RHOBTB3: variants seen among roughly 807,000 people sequenced by gnomAD.
RHOBTB3 encodes rho-related BTB domain-containing protein 3.
RHOBTB3 carries 47 observed loss-of-function variants against 67.2 expected under a neutral mutation model. That is an observed-to-expected ratio of 0.70 (90% confidence interval 0.55 to 0.89). RHOBTB3 has a LOEUF of 0.89. Among genes scored for constraint, RHOBTB3 ranks in the 40% least tolerant of loss-of-function variants. The pLI, the probability that RHOBTB3 is intolerant of heterozygous loss-of-function variation, is 0.00. For synonymous variants in RHOBTB3, 273 were observed against 274.2 expected, an observed-to-expected ratio of 1.00 and a Z score of 0.04; for missense variants, 631 against 750.0, an observed-to-expected ratio of 0.84 and a Z score of 1.85.
chr5:95,787,210 T>A (rs1253542935), intron 10 of RHOBTB3, among the ~76,000 whole-genome samples: 1 of 151,780 alleles, frequency 6.6e-6, no homozygotes, highest in Non-Finnish European at 1.5e-5. Flanking sequence ...TTTTGTTATC[T>A]GCTCTGGGTT....
chr5:95,740,715 T>G (rs962736989), intron 3 of RHOBTB3, among the ~76,000 whole-genome samples: 2 of 152,332 alleles, frequency 1.3e-5, no homozygotes, highest in Admixed American at 1.3e-4. Flanking sequence ...CTCAGAATAG[T>G]TATCCTAGAA....
In RHOBTB3 at chr5:95,734,930, A is replaced by G. The variant is rs544658519; in HGVS notation, c.229-1959A>G. Among the ~76,000 whole-genome samples the G allele has an allele frequency of 2.0e-5, 3 of 152,298 alleles. No homozygotes were observed. In the East Asian group the frequency reaches 5.8e-4, roughly 29 times the overall value. On this transcript the variant is annotated intron_variant, in intron 2 of 11. Coordinates refer to ENST00000379982, the MANE Select transcript of RHOBTB3 (RefSeq NM_014899.4). ...TCCAGTAACTCTGGAATTTTGAACT[A>G]TTTGGAATTCAAAAAGCAGCTACTT...
chr5:95,752,958 C>T (rs1193892742), intron 5 of RHOBTB3, among the ~76,000 whole-genome samples: 2 of 151,934 alleles, frequency 1.3e-5, no homozygotes, highest in African/African-American at 2.4e-5. Context: ...GGTGAAACCC[C>T]GTCTCCACTA....
At chr5:95,744,798 C>T (rs1377516003) in intron 3 of RHOBTB3, among the ~76,000 whole-genome samples, 4 of 152,184 alleles carry the variant, frequency 2.6e-5, no homozygotes, top group Middle Eastern at 3.4e-3. Context: ...GGGCTGGCCA[C>T]GGTGACTCAC....
In RHOBTB3 at chr5:95,755,557, A is replaced by T. The variant is rs1171615653; in HGVS notation, c.844A>T (p.Met282Leu). The T allele has an allele frequency of 9.3e-6, 15 of 1,614,146 alleles. No individual in the cohort carries two copies. The highest frequency in any genetic ancestry group is 1.3e-5 in the Non-Finnish European group (15 of 1,180,018). Residue 282 changes from methionine (M) to leucine (L), a missense_variant, in exon 6 of 12, where the codon ATG becomes TTG. Met to Leu is a conservative substitution (Grantham distance 15). Coordinates refer to ENST00000379982, the MANE Select transcript of RHOBTB3 (RefSeq NM_014899.4). ...TCTCTGCGCTGTAAGCCATGTTTTCATGCTGCTTTTCAATGTGAAGAGTCC... is the reference window on the plus strand; with the variant it reads ...TCTCTGCGCTGTAAGCCATGTTTTCTTGCTGCTTTTCAATGTGAAGAGTCC... The part of the protein sequence containing the change: ...IVLCAVSHVF[M>L]LLFNVKSPTD...
At position 95,740,583 on chromosome 5, in the gene RHOBTB3, T is replaced by TCTTC. The variant is rs111361428; in HGVS notation, c.415+3511_415+3514dup. On this transcript the variant is annotated intron_variant, in intron 3 of 11. Coordinates refer to ENST00000379982, the MANE Select transcript of RHOBTB3 (RefSeq NM_014899.4). The stretch of plus-strand genomic sequence containing the variant: ...CCATGTGAAGATATATTGCTCAGGT[T>TCTTC]CTTCCTGGGGCTTGGAAAGGATCCA... Among the ~76,000 whole-genome samples, 7 of 152,362 alleles carry TCTTC rather than the reference T, an allele frequency of 4.6e-5. 1 individual carries two copies. Among genetic ancestry groups the TCTTC allele is most frequent in the African/African-American group, 1.7e-4 (7 of 41,588 alleles).
At chr5:95,761,850 G>A (rs1009092003) in intron 6 of RHOBTB3, among the ~76,000 whole-genome samples, 1 of 152,144 alleles carries the variant, frequency 6.6e-6, no homozygotes, top group African/African-American at 2.4e-5. Flanking sequence ...TTGTTATACT[G>A]ACTTTAATGT....
At chr5:95,729,647 A>C (rs916426510), upstream of RHOBTB3, among the ~76,000 whole-genome samples, 6 of 152,266 alleles carry the variant, frequency 3.9e-5, no homozygotes, top group South Asian at 2.1e-4. Context: ...TGCAAACCTG[A>C]AACACTATAC....
At chr5:95,762,079 G>A (rs920588703) in intron 6 of RHOBTB3, among the ~76,000 whole-genome samples, 8 of 152,224 alleles carry the variant, frequency 5.3e-5, no homozygotes, top group Admixed American at 2.0e-4. Context: ...GCAGTGGTGT[G>A]CTGGAGCTGG....
At chr5:95,726,299 C>T (rs961872880), upstream of RHOBTB3, among the ~76,000 whole-genome samples, 3 of 151,928 alleles carry the variant, frequency 2.0e-5, no homozygotes, top group East Asian at 3.9e-4. Flanking sequence ...GAGTGTGTTG[C>T]TTTTTGACTT....
intron 7 of RHOBTB3, chr5:95,767,646 C>T (rs1745586474): frequency 3.6e-6 from 2 of 549,154 alleles, no homozygotes; most frequent in Non-Finnish European, 6.6e-6. Flanking sequence ...ATGTATTTTT[C>T]TTAATTACAA....
intron 3 of RHOBTB3, 152 bp downstream of exon 3, chr5:95,737,227 C>T (rs1360682186): frequency 3.5e-5 from 20 of 563,958 alleles, no homozygotes; most frequent in East Asian, 1.3e-4. Flanking sequence ...TCATTTGATA[C>T]GATAAAAAAA....
At position 95,731,958 on chromosome 5, in the gene RHOBTB3, G is replaced by A; in HGVS notation, c.102G>A (p.Leu34=). Residue 34 remains leucine (L), a synonymous_variant, in exon 2 of 12, where the codon CTG becomes CTA. Transcript: ENST00000379982. ...LIRTYLGRSP[L]VSGDESSLLL... is the part of the protein sequence containing the mutation. ...GCACTTACCTGGGGAGAAGCCCTCT[G>A]GTCTCCGGGGACGAGAGCAGCTTGT... is the stretch of plus-strand genomic sequence containing the variant. The A allele has an allele frequency of 6.2e-7, 1 of 1,614,152 alleles. No homozygotes were observed. The highest frequency in any genetic ancestry group is 1.1e-5 in the South Asian group (1 of 91,082).
rs375911464 is a variant in RHOBTB3, at chr5:95,750,340, G to T, written c.570+1853G>T. Among the ~76,000 whole-genome samples the T allele has an allele frequency of 7.2e-5, 11 of 152,296 alleles. No individual in the cohort carries two copies. In the East Asian group the frequency reaches 1.7e-3, roughly 24 times the overall value. ...AGGGCACAAGTCAGTGGAGCCAAGG[G>T]TTGTGCCCACCTGGAGCTGGTGGAC... On this transcript the variant is annotated intron_variant, in intron 4 of 11. Transcript: ENST00000379982.
chr5:95,746,408 T>C (rs1744916103), intron 3 of RHOBTB3, among the ~76,000 whole-genome samples: 1 of 152,088 alleles, frequency 6.6e-6, no homozygotes, highest in Non-Finnish European at 1.5e-5. Context: ...GCCTCTGTTT[T>C]CAGAAAATCA....
upstream of RHOBTB3, among the ~76,000 whole-genome samples, chr5:95,730,091 A>C (rs1755175690): frequency 6.6e-6 from 1 of 152,176 alleles, no homozygotes; most frequent in Non-Finnish European, 1.5e-5. Flanking sequence ...GATTAAAAAA[A>C]AAAACAGTGA....
intron 2 of RHOBTB3, among the ~76,000 whole-genome samples, chr5:95,732,980 A>G (rs1755338839): frequency 6.6e-6 from 1 of 152,210 alleles, no homozygotes; most frequent in Non-Finnish European, 1.5e-5. Flanking sequence ...GCCTGAAAAG[A>G]TACAAATTAT....
At chr5:95,788,710 A>C (rs377307788) in intron 10 of RHOBTB3, 52 bp from the exon 11 acceptor site, 12 of 1,207,456 alleles carry the variant, frequency 9.9e-6, no homozygotes, top group Non-Finnish European at 1.3e-5. Flanking sequence ...TGATCTTATC[A>C]TACCAGTGGC....
At position 95,736,920 on chromosome 5, in the gene RHOBTB3, G is replaced by C. The variant is rs757819060; in HGVS notation, c.260G>C (p.Arg87Pro). ...TTTGACAGTGATTGGTACACTTCTC[G>C]AAATCTAATTGGGGGCGCTGACATC... is the stretch of plus-strand genomic sequence containing the variant. The part of the protein sequence containing the change: ...DIFDSDWYTS[R>P]NLIGGADIIV... Residue 87 changes from arginine to proline, a missense_variant, in exon 3 of 12, where the codon CGA becomes CCA. Coordinates refer to ENST00000379982, the MANE Select transcript of RHOBTB3 (RefSeq NM_014899.4). 8.1e-6 allele frequency: 13 copies of C among 1,610,660 alleles called. No individual in the cohort carries two copies. The South Asian group carries it at 1.4e-4, about 18-fold the overall frequency.
Sources: gnomAD v4.1 joint callset for allele counts (sites outside exome capture counted in the v4.1 genomes callset) on GRCh38, gnomAD v4.1.1 for gene constraint, MANE v1.5 for transcripts, NCBI Gene and HGNC (gene_info 2026-07-23, HGNC 2026-07-21) for gene names.